The following GPATCH1 variants were observed in gnomAD, a reference collection of about 807,000 sequenced individuals.
GPATCH1 encodes G-patch domain containing 1, also known as G patch domain-containing protein 1.
A neutral mutation model predicts 114.9 loss-of-function variants in GPATCH1; 73 were observed. That is an observed-to-expected ratio of 0.64 (90% CI 0.53 to 0.77). The LOEUF (loss-of-function observed/expected upper bound fraction) is 0.77, where lower values mean the gene tolerates loss of function less well. Ranked by LOEUF, GPATCH1 falls within the 30% of genes least tolerant of loss-of-function variation. The pLI is 0.00. For missense variants in GPATCH1, 1,058 were observed against 1,144.3 expected (o/e 0.92, Z 1.09); for synonymous variants, 391 against 428.4 (o/e 0.91, Z 1.08).
At chr19:33,121,241 AC>A (rs1447361740) in intron 17 of GPATCH1, among the ~76,000 whole-genome samples, 1 of 151,154 alleles carries the variant, frequency 6.6e-6, no homozygotes, top group African/African-American at 2.4e-5. Flanking sequence ...TCAACCTCCC[AC>A]AGTGCTGGAA....
At chr19:33,122,550 C>G (rs1393478191) in intron 17 of GPATCH1, among the ~76,000 whole-genome samples, 1 of 151,928 alleles carries the variant, frequency 6.6e-6, no homozygotes, top group Non-Finnish European at 1.5e-5. Context: ...GTCTCGATCT[C>G]CTGAACTTGT....
chr19:33,126,397 T>A (rs1599868601), intron 18 of GPATCH1, among the ~76,000 whole-genome samples, 191 bp from the exon 19 acceptor site: 1 of 152,150 alleles, frequency 6.6e-6, no homozygotes, highest in Non-Finnish European at 1.5e-5. Context: ...TGGGTCAGGG[T>A]GCGCAGTTGA....
rs771108650 is a variant in GPATCH1 at position 33,088,134 on chromosome 19, G to A, written c.74G>A (p.Gly25Asp). ...YGTGLEPLEEGERPKKPIPLQ... is the reference protein window; with the variant it reads ...YGTGLEPLEEDERPKKPIPLQ... ...AAACTTTTTTTTTTTTTTTTTTTAGGTGAAAGACCAAAGAAACCAATCCCT... is the reference window on the plus strand; with the variant it reads ...AAACTTTTTTTTTTTTTTTTTTTAGATGAAAGACCAAAGAAACCAATCCCT... The change falls in exon 2 of 20, where the codon GGT (glycine) becomes GAT (aspartate). Residue 25 changes from glycine (G) to aspartate (D), a missense_variant and splice_region_variant. Physicochemically the swap from Gly to Asp is moderately conservative, Grantham distance 94. Around this residue, in one of 3 missense-constraint regions of GPATCH1, gnomAD observed 131 missense variants for 107.2 expected, o/e 1.22. Transcript: ENST00000170564. The A allele has an allele frequency of 1.7e-5, 23 of 1,325,138 alleles. No homozygotes were observed. In the East Asian group the frequency reaches 5.4e-4, roughly 31 times the overall value. The allele number at this position is 1,325,138 out of a possible 1,614,324, so 82.1% of individuals were successfully genotyped here.
In GPATCH1 at chr19:33,112,494, C is replaced by G; in HGVS notation, c.1773C>G (p.Val591=). 1 of 1,613,878 alleles carries G rather than the reference C, an allele frequency of 6.2e-7. No homozygotes were observed. The highest frequency in any genetic ancestry group is 8.5e-7 in the Non-Finnish European group (1 of 1,179,948). The part of the protein sequence containing the change: ...VEVPRDQEND[V]GDKQSAVKMK... ...TGCATGTCTTTTTCCAGAATGATGTCGGGGATAAGCAGTCGGCTGTGAAGA... is the reference window on the plus strand; with the variant it reads ...TGCATGTCTTTTTCCAGAATGATGTGGGGGATAAGCAGTCGGCTGTGAAGA... The change falls in exon 13 of 20, where the codon GTC becomes GTG. Residue 591 remains valine, a synonymous_variant. Coordinates refer to ENST00000170564, the MANE Select transcript of GPATCH1 (RefSeq NM_018025.3).
chr19:33,128,638 C>T (rs965136419), intron 19 of GPATCH1, among the ~76,000 whole-genome samples: 1 of 152,236 alleles, frequency 6.6e-6, no homozygotes, highest in African/African-American at 2.4e-5. Context: ...AAGTGATCCT[C>T]CTGCCTCAGC....
At chr19:33,081,289 G>C (rs1460304240) in intron 1 of GPATCH1, 23 bp downstream of exon 1, 1 of 1,544,414 alleles carries the variant, frequency 6.5e-7, no homozygotes, top group South Asian at 1.2e-5. Context: ...TGGGCCGGCG[G>C]AGCCTGTGGA....
At chr19:33,127,321 A>G (rs1973052984) in intron 19 of GPATCH1, among the ~76,000 whole-genome samples, 2 of 151,934 alleles carry the variant, frequency 1.3e-5, no homozygotes, top group Non-Finnish European at 2.9e-5. Context: ...GCTCGAGACC[A>G]TCCTGGCTAA....
chr19:33,126,239 C>G (rs528543768), intron 18 of GPATCH1, among the ~76,000 whole-genome samples: 1 of 152,198 alleles, frequency 6.6e-6, no homozygotes, highest in African/African-American at 2.4e-5. Context: ...TCCCAGGGGT[C>G]TGACAAAATA....
At chr19:33,082,678 TAACA>T (rs746218087) in intron 1 of GPATCH1, among the ~76,000 whole-genome samples, 27 of 152,228 alleles carry the variant, frequency 1.8e-4, no homozygotes, top group African/African-American at 3.9e-4. Flanking sequence ...ACTCTGTCTG[TAACA>T]AACAAACAAA....
intron 17 of GPATCH1, among the ~76,000 whole-genome samples, chr19:33,121,414 G>A (rs1375150765): frequency 6.6e-6 from 1 of 150,706 alleles, no homozygotes; most frequent in Non-Finnish European, 1.5e-5. Flanking sequence ...CCACCTCCTG[G>A]GTTCAAGCGA....
At chr19:33,086,351 C>T (rs1034791166) in intron 1 of GPATCH1, among the ~76,000 whole-genome samples, 20 of 152,230 alleles carry the variant, frequency 1.3e-4, no homozygotes, top group African/African-American at 4.3e-4. Flanking sequence ...CAGCTGTTTA[C>T]GTATGATATT....
Position 33,096,358 on chromosome 19 carries a change from T to TA in GPATCH1, c.764_765insA (p.Phe255LeufsTer2), listed in dbSNP as rs773543051. On this transcript the variant is annotated frameshift_variant, in exon 7 of 20. Transcript: ENST00000170564. LOFTEE classifies it high-confidence loss of function. ...CTGTTTGGAACTTCGGGAGAACATT[T>TA]TAATCTTTTCAGTGGTGGTTCTGAG... The TA allele has an allele frequency of 6.2e-7, 1 of 1,614,122 alleles. No homozygotes were observed. The highest frequency in any genetic ancestry group is 1.7e-5 in the Admixed American group (1 of 60,012).
intron 8 of GPATCH1, among the ~76,000 whole-genome samples, chr19:33,098,167 G>T (rs1972685305): frequency 6.6e-6 from 1 of 152,232 alleles, no homozygotes; most frequent in East Asian, 1.9e-4. Flanking sequence ...GCCTGGACCA[G>T]TGACCACATG....
At chr19:33,122,374 G>T (rs1229815223) in intron 17 of GPATCH1, among the ~76,000 whole-genome samples, 1 of 150,522 alleles carries the variant, frequency 6.6e-6, no homozygotes, top group Non-Finnish European at 1.5e-5. Context: ...ACCCAGGCTG[G>T]AGTGCAGTGG....
chr19:33,096,821 G>C (rs1177120009), intron 7 of GPATCH1, among the ~76,000 whole-genome samples: 1 of 151,958 alleles, frequency 6.6e-6, no homozygotes, highest in African/African-American at 2.4e-5. Context: ...TAGAGACGGG[G>C]TTTCACCATG....
rs1376103024 is a variant in GPATCH1 at position 33,097,798 on chromosome 19, A to G, written c.896A>G (p.Tyr299Cys). The change falls in exon 8 of 20, where the codon TAT becomes TGT. Residue 299 changes from tyrosine (Y) to cysteine (C), a missense_variant. Tyr to Cys is a radical substitution (Grantham distance 194). Coordinates refer to ENST00000170564, the MANE Select transcript of GPATCH1 (RefSeq NM_018025.3). ...CTGGAAGAGGAAGATGATGATATCT[A>G]TGCCACAGAAACTCTATCCAAGTAT... ...GALEEEDDDI[Y>C]ATETLSKYDT... The G allele has an allele frequency of 1.2e-6, 2 of 1,613,866 alleles. No homozygotes were observed. The highest frequency in any genetic ancestry group is 8.5e-7 in the Non-Finnish European group (1 of 1,179,758).
chr19:33,105,866 C>T (rs1409478478), intron 9 of GPATCH1, among the ~76,000 whole-genome samples: 2 of 149,868 alleles, frequency 1.3e-5, no homozygotes, highest in East Asian at 2.0e-4. Flanking sequence ...TTGTTTGAGA[C>T]GGAGTCTCGC....
chr19:33,093,160 C>G (rs541086159), intron 3 of GPATCH1, among the ~76,000 whole-genome samples, 199 bp from the exon 4 acceptor site: 1 of 152,024 alleles, frequency 6.6e-6, no homozygotes, highest in East Asian at 1.9e-4. Context: ...TGCACTCCGG[C>G]CTGGGCAACA....
intron 1 of GPATCH1, among the ~76,000 whole-genome samples, chr19:33,087,273 T>A (rs1345792465): frequency 6.6e-6 from 1 of 152,146 alleles, no homozygotes; most frequent in African/African-American, 2.4e-5. Context: ...TTTAAAAAAA[T>A]TTAAATAAAT....
Sources: allele counts gnomAD v4.1 joint callset (sites outside exome capture counted in the v4.1 genomes callset), GRCh38; gene constraint gnomAD v4.1.1; regional missense constraint gnomAD v4.1.1; transcripts MANE v1.5; gene names NCBI Gene and HGNC (gene_info 2026-07-23, HGNC 2026-07-21).